The following CEP128 variants were observed in gnomAD, a reference collection of about 807,000 sequenced individuals.
CEP128 encodes the protein centrosomal protein 128.
In CEP128, 132 loss-of-function variants were observed where a neutral mutation model predicts 156.7. The observed-to-expected ratio is 0.84, with a 90% CI of 0.73 to 0.97. The LOEUF (loss-of-function observed/expected upper bound fraction) is 0.97, where lower values mean the gene tolerates loss of function less well. CEP128 is among the 50% of genes least tolerant of loss of function. The pLI, the probability that CEP128 is intolerant of heterozygous loss-of-function variation, is 0.00. For synonymous variants in CEP128, 469 were observed against 448.9 expected (o/e 1.04, Z -0.57); for missense variants, 1,252 against 1,281.9 (o/e 0.98, Z 0.36).
intron 2 of CEP128, among the ~76,000 whole-genome samples, chr14:80,933,833 T>C (rs1885629403): frequency 6.6e-6 from 1 of 151,984 alleles, no homozygotes; most frequent in Admixed American, 6.6e-5. Context: ...AAATAGGAGG[T>C]GAAAAAGCAG....
rs1311692495 is a variant in CEP128 at position 80,906,173 on chromosome 14, A to C, written c.235-92T>G. ...ACAGATTTTCAAAGCTATTTCTGAA[A>C]TATCTGGGTTCCCCCCAAAAAAAGG... On this transcript the variant is annotated intron_variant, in intron 4 of 24. Transcript: ENST00000555265. 2.1e-5 allele frequency: 21 copies of C among 1,005,286 alleles called. No individual in the cohort carries two copies. In the East Asian group the frequency reaches 5.2e-4, roughly 25 times the overall value. The allele number at this position is 1,005,286 out of a possible 1,614,324, so 62.3% of individuals were successfully genotyped here. A position where few individuals can be genotyped will look rare whatever the true frequency, so the allele number is the denominator to read the frequency against.
intron 19 of CEP128, among the ~76,000 whole-genome samples, chr14:80,680,238 T>C (rs1896263989): frequency 6.6e-6 from 1 of 152,156 alleles, no homozygotes; most frequent in East Asian, 1.9e-4. Context: ...CAGAGCCAGC[T>C]TGGGGACCTG....
chr14:80,867,549 C>G (rs1016351196), intron 8 of CEP128, among the ~76,000 whole-genome samples: 2 of 151,744 alleles, frequency 1.3e-5, no homozygotes, highest in Non-Finnish European at 2.9e-5. Context: ...AAGAACAAAA[C>G]AGAAATTCTT....
intron 23 of CEP128, among the ~76,000 whole-genome samples, chr14:80,514,516 C>T (rs1253112971): frequency 6.6e-6 from 1 of 152,042 alleles, no homozygotes; most frequent in Non-Finnish European, 1.5e-5. Context: ...CACTCTGATG[C>T]ATTCTTCAGT....
intron 8 of CEP128, among the ~76,000 whole-genome samples, chr14:80,875,971 C>T (rs1258574271): frequency 6.6e-6 from 1 of 151,710 alleles, no homozygotes; most frequent in East Asian, 1.9e-4. Flanking sequence ...AAGTGAAAAG[C>T]GGGGTTTATG....
At chr14:80,598,729 G>A (rs148896894) in intron 19 of CEP128, among the ~76,000 whole-genome samples, 1 of 152,154 alleles carries the variant, frequency 6.6e-6, no homozygotes, top group Admixed American at 6.5e-5. Flanking sequence ...AGTTATTATG[G>A]AGTTAGAGTA....
At position 80,836,306 on chromosome 14, in the gene CEP128, G is replaced by A. The variant is rs1417631937; in HGVS notation, c.956C>T (p.Ala319Val). The A allele has an allele frequency of 6.2e-7, 1 of 1,614,004 alleles. No homozygotes were observed. The highest frequency in any genetic ancestry group is 8.5e-7 in the Non-Finnish European group (1 of 1,179,942). The change falls in exon 12 of 25, where the codon GCA becomes GTA. Residue 319 changes from alanine to valine, a missense_variant. Transcript: ENST00000555265. ...VEELRTQLTK[A>V]EGDRKGLQHQ... ...CTGTAAACCCTTTCGATCACCTTCTGCTTTCGTAAGTTGTGTACGCAGTTC... is the reference window on the plus strand; with the variant it reads ...CTGTAAACCCTTTCGATCACCTTCTACTTTCGTAAGTTGTGTACGCAGTTC...
intron 24 of CEP128, among the ~76,000 whole-genome samples, chr14:80,501,703 A>G (rs1887743454): frequency 6.6e-6 from 1 of 151,594 alleles, no homozygotes; most frequent in African/African-American, 2.4e-5. Flanking sequence ...ATGGGGTTTC[A>G]CCGTGTTAGC....
intron 16 of CEP128, among the ~76,000 whole-genome samples, chr14:80,773,816 G>A (rs565579446): frequency 1.8e-4 from 27 of 152,164 alleles, no homozygotes; most frequent in Admixed American, 1.8e-3. Flanking sequence ...TGAAACAAAA[G>A]AAGAATCAAA....
intron 2 of CEP128, among the ~76,000 whole-genome samples, chr14:80,930,894 T>A (rs973572762): frequency 6.6e-6 from 1 of 152,206 alleles, no homozygotes; most frequent in African/African-American, 2.4e-5. Flanking sequence ...CTAAGGACAT[T>A]TGTCATGAAC....
intron 16 of CEP128, 89 bp from the exon 17 acceptor site, chr14:80,761,702 G>A (rs1233760264): frequency 3.3e-6 from 3 of 905,956 alleles, no homozygotes; most frequent in Admixed American, 5.2e-5. Flanking sequence ...AACTAGAAGT[G>A]GATTTGAAAA....
intron 19 of CEP128, among the ~76,000 whole-genome samples, chr14:80,693,614 T>C (rs532536557): frequency 1.4e-4 from 22 of 152,290 alleles, no homozygotes; most frequent in Admixed American, 5.9e-4. Context: ...GCCATACTTC[T>C]TTATTTTAAA....
chr14:80,867,189 T>G (rs1193877216), intron 8 of CEP128, among the ~76,000 whole-genome samples: 1 of 152,130 alleles, frequency 6.6e-6, no homozygotes, highest in Non-Finnish European at 1.5e-5. Flanking sequence ...CACTATCAGG[T>G]TACTGAGACA....
chr14:80,860,508 T>C (rs1887462896), intron 9 of CEP128, among the ~76,000 whole-genome samples: 1 of 152,096 alleles, frequency 6.6e-6, no homozygotes. Flanking sequence ...AGAAAATAAG[T>C]ACAGAAAATT....
At chr14:80,557,754 A>G (rs184215798) in intron 21 of CEP128, among the ~76,000 whole-genome samples, 10 of 152,300 alleles carry the variant, frequency 6.6e-5, no homozygotes, top group Admixed American at 5.9e-4. Context: ...GTCTGTAACC[A>G]TCTTTCCTCT....
In CEP128 at chr14:80,729,058, G is replaced by GTGTGTGTGTGT. The variant is rs1344457542; in HGVS notation, c.2806+14016_2806+14017insACACACACACA. ...CCTAGTCCCAGGCTGGGCTGGTGGG[G>GTGTGTGTGTGT]GTGTGTGTGTGTGTGTGTGTGTGTG... On this transcript the variant is annotated intron_variant, in intron 19 of 24. Coordinates refer to ENST00000555265, the MANE Select transcript of CEP128 (RefSeq NM_152446.5). Among the ~76,000 whole-genome samples, 927 of 105,028 alleles carry GTGTGTGTGTGT rather than the reference G, an allele frequency of 8.8e-3. 81 individuals are homozygous for GTGTGTGTGTGT. The highest frequency in any genetic ancestry group is 0.028 in the East Asian group (88 of 3,198). The allele number at this position is 105,028 out of a possible 152,430, so 68.9% of individuals were successfully genotyped here.
chr14:80,759,889 T>C (rs1172843063), intron 17 of CEP128, among the ~76,000 whole-genome samples: 3 of 139,984 alleles, frequency 2.1e-5, no homozygotes, highest in South Asian at 5.0e-4. Context: ...TATGCACATA[T>C]GTGAGTGCAT....
At chr14:80,697,614 A>T (rs1896933234) in intron 19 of CEP128, among the ~76,000 whole-genome samples, 1 of 152,182 alleles carries the variant, frequency 6.6e-6, no homozygotes, top group East Asian at 1.9e-4. Flanking sequence ...AGGCTAATTT[A>T]AAAAATGCTG....
At chr14:80,502,649 T>G (rs1887791331) in intron 24 of CEP128, among the ~76,000 whole-genome samples, 1 of 152,182 alleles carries the variant, frequency 6.6e-6, no homozygotes, top group Non-Finnish European at 1.5e-5. Flanking sequence ...CATAGTATTT[T>G]GCTCTTGTTA....
Sources: gnomAD v4.1 joint callset for allele counts (sites outside exome capture counted in the v4.1 genomes callset) on GRCh38, gnomAD v4.1.1 for gene constraint, MANE v1.5 for transcripts, NCBI Gene and HGNC (gene_info 2026-07-23, HGNC 2026-07-21) for gene names.